Variants in DAB1 observed in about 807,000 individuals in gnomAD.
The protein encoded by DAB1 is DAB adaptor protein 1, also known as disabled homolog 1.
In DAB1, 15 loss-of-function variants were observed where a neutral mutation model predicts 64.6. The observed-to-expected ratio is 0.23, with a 90% confidence interval of 0.16 to 0.36. DAB1 has a LOEUF of 0.36. Ranked by LOEUF, DAB1 falls within the 10% of genes least tolerant of loss-of-function variation. The pLI, the probability that DAB1 is intolerant of heterozygous loss-of-function variation, is 1.00. For missense variants in DAB1, 596 were observed against 706.7 expected (o/e 0.84, Z 1.78); for synonymous variants, 235 against 251.9 (o/e 0.93, Z 0.64).
chr1:58,198,537 T>A (rs181083452), intron 4 of DAB1, among the ~76,000 whole-genome samples: 72 of 152,368 alleles, frequency 4.7e-4, no homozygotes, highest in Non-Finnish European at 8.8e-4. Flanking sequence ...GGCTGTCCAA[T>A]GTCCATGCCT....
chr1:57,121,180 GAA>G (rs1656620453), intron 4 of DAB1, among the ~76,000 whole-genome samples: 1 of 150,212 alleles, frequency 6.7e-6, no homozygotes, highest in Admixed American at 6.7e-5. Flanking sequence ...AGGAGAAGGA[GAA>G]GAAAGAGAAG....
At chr1:57,113,862 T>G (rs903744210) in intron 4 of DAB1, among the ~76,000 whole-genome samples, 5 of 152,212 alleles carry the variant, frequency 3.3e-5, no homozygotes, top group Admixed American at 2.0e-4. Flanking sequence ...TTCCAAAGCA[T>G]GTGATCTTTC....
At chr1:57,747,118 A>C (rs368915598) in intron 6 of DAB1, among the ~76,000 whole-genome samples, 5 of 152,176 alleles carry the variant, frequency 3.3e-5, no homozygotes, top group African/African-American at 1.2e-4. Flanking sequence ...TCCATGACCC[A>C]TTTGAAGACC....
rs572417302 is a variant in DAB1 at position 57,153,706 on chromosome 1, C to T, written c.68-8277G>A. Among the ~76,000 whole-genome samples, 12 of 152,028 alleles carry T rather than the reference C, an allele frequency of 7.9e-5. No individual in the cohort carries two copies. The East Asian group carries it at 1.6e-3, about 20-fold the overall frequency. On this transcript the variant is annotated intron_variant, in intron 2 of 14. Transcript: ENST00000371236. ...AGGCTGGAGGGCAGTGGCGCAATCT[C>T]GGCTCACTGCAAACTCCACCTCCCA... is the stretch of plus-strand genomic sequence containing the variant.
At chr1:58,160,976 A>G (rs1655503660) in intron 4 of DAB1, among the ~76,000 whole-genome samples, 1 of 152,136 alleles carries the variant, frequency 6.6e-6, no homozygotes, top group Non-Finnish European at 1.5e-5. Flanking sequence ...GAAGGTAGGA[A>G]GTGCTGTAGT....
intron 1 of DAB1, among the ~76,000 whole-genome samples, chr1:57,417,297 T>C (rs2101076131): frequency 6.6e-6 from 1 of 152,286 alleles, no homozygotes; most frequent in African/African-American, 2.4e-5. Flanking sequence ...AAATGAGACT[T>C]TGGTGATGAC....
At chr1:57,628,893 C>G (rs909503822) in intron 7 of DAB1, among the ~76,000 whole-genome samples, 1 of 152,160 alleles carries the variant, frequency 6.6e-6, no homozygotes, top group Admixed American at 6.6e-5. Context: ...TCAGTTTTGT[C>G]TCAAAGCAAT....
chr1:57,838,748 T>C (rs1292936106), intron 1 of DAB1, among the ~76,000 whole-genome samples: 1 of 151,282 alleles, frequency 6.6e-6, no homozygotes, highest in Non-Finnish European at 1.5e-5. Context: ...TAGGTAAACA[T>C]AACTTATTTA....
chr1:58,345,302 C>T (rs1473892251), intron 3 of DAB1, among the ~76,000 whole-genome samples: 2 of 152,198 alleles, frequency 1.3e-5, no homozygotes, highest in Non-Finnish European at 2.9e-5. Flanking sequence ...ACCCCCATGC[C>T]ACCAATAACA....
At chr1:57,241,247 A>G (rs1035631253) in intron 2 of DAB1, among the ~76,000 whole-genome samples, 9 of 152,228 alleles carry the variant, frequency 5.9e-5, no homozygotes, top group African/African-American at 2.2e-4. Context: ...CTGCTGCATA[A>G]CAGCCAAAAG....
chr1:58,342,504 C>T (rs983413924), intron 4 of DAB1, among the ~76,000 whole-genome samples: 41 of 152,298 alleles, frequency 2.7e-4, no homozygotes, highest in African/African-American at 7.9e-4. Context: ...TAACTATTAT[C>T]CATTCAGTGT....
At chr1:57,402,382 TTAAA>T (rs1213062968) in intron 1 of DAB1, among the ~76,000 whole-genome samples, 3 of 152,238 alleles carry the variant, frequency 2.0e-5, no homozygotes, top group African/African-American at 7.2e-5. Context: ...ACTTTGCTGA[TTAAA>T]TAAATAGCTT....
intron 9 of DAB1, among the ~76,000 whole-genome samples, chr1:57,046,352 T>G (rs1648494013): frequency 6.6e-6 from 1 of 152,236 alleles, no homozygotes; most frequent in Non-Finnish European, 1.5e-5. Flanking sequence ...AAACAAGTTT[T>G]GTATCCTTTG....
chr1:58,113,713 T>A (rs941174926), intron 5 of DAB1, among the ~76,000 whole-genome samples: 7 of 152,128 alleles, frequency 4.6e-5, no homozygotes, highest in African/African-American at 1.7e-4. Context: ...GCAGATTTGA[T>A]GCCAGGAAAT....
chr1:57,872,796 T>C (rs907866205), intron 1 of DAB1, among the ~76,000 whole-genome samples: 4 of 152,132 alleles, frequency 2.6e-5, no homozygotes. Flanking sequence ...AGAAGGGATG[T>C]TTAAACCTGG....
chr1:57,334,946 A>G (rs1676958707), intron 1 of DAB1, among the ~76,000 whole-genome samples: 1 of 152,216 alleles, frequency 6.6e-6, no homozygotes, highest in South Asian at 2.1e-4. Context: ...GAGGTATCCC[A>G]TAGCTAGAAA....
At chr1:57,556,264 A>G (rs146899825) in intron 7 of DAB1, among the ~76,000 whole-genome samples, 59 of 152,182 alleles carry the variant, frequency 3.9e-4, no homozygotes, top group African/African-American at 1.4e-3. Flanking sequence ...TTTTTCGTAT[A>G]ATGACTTATT....
At position 57,095,054 on chromosome 1, in the gene DAB1, C is replaced by T. The variant is rs187171145; in HGVS notation, c.307-22640G>A. On this transcript the variant is annotated intron_variant, in intron 4 of 14. Coordinates refer to ENST00000371236, the MANE Select transcript of DAB1 (RefSeq NM_001365792.1). Reference sequence around the variant, plus strand: ...TTTGGCTACTGCTTCTCAAGACTGACCTACAACTTTCCCATCTACTGAAAT... The same window carrying T: ...TTTGGCTACTGCTTCTCAAGACTGATCTACAACTTTCCCATCTACTGAAAT... Among the ~76,000 whole-genome samples, 143 of 152,276 alleles carry T rather than the reference C, an allele frequency of 9.4e-4. 1 individual carries two copies. The highest frequency in any genetic ancestry group is 2.5e-3 in the African/African-American group (104 of 41,558).
chr1:58,466,204 C>A (rs1222081183), intron 3 of DAB1, among the ~76,000 whole-genome samples: 2 of 152,130 alleles, frequency 1.3e-5, no homozygotes, highest in Non-Finnish European at 2.9e-5. Context: ...CTCTCGTGGG[C>A]AACCTTGGCT....
Sources: allele counts gnomAD v4.1 joint callset (sites outside exome capture counted in the v4.1 genomes callset), GRCh38; gene constraint gnomAD v4.1.1; transcripts MANE v1.5; gene names NCBI Gene and HGNC (gene_info 2026-07-23, HGNC 2026-07-21).